The following GALNT13 variants were observed in gnomAD, a reference collection of about 807,000 sequenced individuals.
GALNT13 encodes the protein polypeptide N-acetylgalactosaminyltransferase 13, also known as UDP-GalNAc:polypeptide N-acetylgalactosaminyltransferase 13.
A neutral mutation model predicts 64.2 loss-of-function variants in GALNT13; 28 were observed. That is an observed-to-expected ratio of 0.44 (90% CI 0.32 to 0.60). GALNT13 has a LOEUF of 0.60. GALNT13 is among the 20% of genes least tolerant of loss of function. GALNT13 has a pLI of 0.05. For missense variants in GALNT13, 577 were observed against 669.8 expected (o/e 0.86, Z 1.53); for synonymous variants, 214 against 224.6 (o/e 0.95, Z 0.42).
intron 7 of GALNT13, 86 bp downstream of exon 7, chr2:154,246,068 T>C: frequency 2.4e-6 from 2 of 845,766 alleles, no homozygotes; most frequent in Non-Finnish European, 3.6e-6. Flanking sequence ...TGTTTAATTA[T>C]TTAATTGTAT....
the GALNT13 span, among the ~76,000 whole-genome samples, chr2:153,680,273 T>A: frequency 1.3e-5 from 2 of 151,946 alleles, no homozygotes; most frequent in African/African-American, 4.8e-5. Flanking sequence ...TATGTAAATA[T>A]ATTAGCTGTC....
chr2:153,346,181 C>T, the GALNT13 span, among the ~76,000 whole-genome samples: 1 of 152,108 alleles, frequency 6.6e-6, no homozygotes. Context: ...CTCGCAGCCT[C>T]CCAAAGTGCT....
chr2:153,780,234 T>TATATATATATATATATATATGC, the GALNT13 span, among the ~76,000 whole-genome samples: 7 of 10,560 alleles, frequency 6.6e-4, no homozygotes, highest in Admixed American at 1.7e-3. Context: ...TATATATATA[T>TATATATATATATATATATATGC]ATATATATAT....
intron 11 of GALNT13, among the ~76,000 whole-genome samples, chr2:154,433,153 T>C (rs1008719607): frequency 2.6e-5 from 4 of 152,220 alleles, no homozygotes; most frequent in African/African-American, 4.8e-5. Flanking sequence ...GAGAGCTTGG[T>C]ATATGCTTCT....
the GALNT13 span, among the ~76,000 whole-genome samples, chr2:153,811,429 A>G: frequency 6.6e-6 from 1 of 152,230 alleles, no homozygotes; most frequent in Non-Finnish European, 1.5e-5. Context: ...TTTAAAGTGT[A>G]ATCATAGCAA....
At chr2:154,133,569 TA>T (rs2105555871) in intron 3 of GALNT13, among the ~76,000 whole-genome samples, 1 of 69,062 alleles carries the variant, frequency 1.4e-5, no homozygotes, top group Non-Finnish European at 3.4e-5. Context: ...TATATATATA[TA>T]TATATATATA....
At chr2:153,802,450 A>T in the GALNT13 span, among the ~76,000 whole-genome samples, 9 of 152,266 alleles carry the variant, frequency 5.9e-5, no homozygotes, top group African/African-American at 2.2e-4. Context: ...GAATGATTTC[A>T]TTCTTTTCCA....
At chr2:154,011,278 CTTTG>C (rs930236780) in intron 3 of GALNT13, among the ~76,000 whole-genome samples, 2 of 151,870 alleles carry the variant, frequency 1.3e-5, no homozygotes, top group Admixed American at 6.6e-5. Context: ...TATGTTTTGT[CTTTG>C]TTCTCACTGT....
chr2:153,986,185 C>G (rs1010792541), intron 3 of GALNT13, among the ~76,000 whole-genome samples: 1 of 151,950 alleles, frequency 6.6e-6, no homozygotes, highest in South Asian at 2.1e-4. Context: ...GGCTTCAAAC[C>G]GTCAAATGGT....
chr2:153,757,665 A>G, the GALNT13 span, among the ~76,000 whole-genome samples: 48 of 152,138 alleles, frequency 3.2e-4, no homozygotes, highest in Middle Eastern at 3.4e-3. Flanking sequence ...CATCTTTTTG[A>G]TAATAGCTAT....
chr2:153,667,246 C>T, the GALNT13 span, among the ~76,000 whole-genome samples: 30 of 152,260 alleles, frequency 2.0e-4, no homozygotes, highest in African/African-American at 6.7e-4. Context: ...CCCAGCCTCA[C>T]TAGACAGGTA....
chr2:154,094,339 C>G (rs773160951), intron 3 of GALNT13, among the ~76,000 whole-genome samples: 8 of 151,926 alleles, frequency 5.3e-5, no homozygotes, highest in South Asian at 2.1e-4. Context: ...CAGCTGTAAG[C>G]TTTGGTGCAA....
At chr2:153,595,141 G>C in the GALNT13 span, among the ~76,000 whole-genome samples, 1 of 151,830 alleles carries the variant, frequency 6.6e-6, no homozygotes, top group Non-Finnish European at 1.5e-5. Flanking sequence ...TTTTTTTGTA[G>C]TATTTAAATA....
intron 4 of GALNT13, among the ~76,000 whole-genome samples, chr2:154,178,701 C>G (rs974606424): frequency 2.6e-5 from 4 of 152,158 alleles, no homozygotes; most frequent in African/African-American, 9.7e-5. Flanking sequence ...TCATCATTTG[C>G]TGCCTGAGGG....
chr2:153,459,110 G>A, the GALNT13 span, among the ~76,000 whole-genome samples: 1 of 152,048 alleles, frequency 6.6e-6, no homozygotes, highest in Non-Finnish European at 1.5e-5. Flanking sequence ...AAACTCATTA[G>A]GAAATTCATG....
chr2:154,027,406 T>G (rs1698047429), intron 3 of GALNT13, among the ~76,000 whole-genome samples: 1 of 152,134 alleles, frequency 6.6e-6, no homozygotes, highest in Admixed American at 6.6e-5. Flanking sequence ...TGATCATTTT[T>G]AAAAAATGAT....
chr2:153,264,512 C>T, the GALNT13 span, among the ~76,000 whole-genome samples: 1 of 152,100 alleles, frequency 6.6e-6, no homozygotes, highest in South Asian at 2.1e-4. Context: ...ACACTATTCA[C>T]AATAGCAAAG....
At chr2:154,316,339 C>A (rs990653087) in intron 9 of GALNT13, among the ~76,000 whole-genome samples, 2 of 152,026 alleles carry the variant, frequency 1.3e-5, no homozygotes, top group African/African-American at 4.8e-5. Flanking sequence ...AAATTGTGAT[C>A]AACTAGGAAT....
intron 3 of GALNT13, among the ~76,000 whole-genome samples, chr2:153,969,450 A>G (rs1693600837): frequency 6.6e-6 from 1 of 152,092 alleles, no homozygotes; most frequent in Admixed American, 6.5e-5. Context: ...TGTTCAATAT[A>G]GAAAAATAGA....
Sources: allele counts gnomAD v4.1 joint callset (sites outside exome capture counted in the v4.1 genomes callset), GRCh38; gene constraint gnomAD v4.1.1; transcripts MANE v1.5; gene names NCBI Gene and HGNC (gene_info 2026-07-23, HGNC 2026-07-21).